The following C2orf80 variants were observed in gnomAD, a reference collection of about 807,000 sequenced individuals.
C2orf80 encodes chromosome 2 open reading frame 80.
C2orf80 carries 28 observed loss-of-function variants against 30.2 expected under a neutral mutation model. The ratio of observed to expected loss-of-function variants is 0.93; its 90% confidence interval spans 0.69 to 1.27. C2orf80 has a LOEUF of 1.27. Among genes scored for constraint, C2orf80 ranks in the 50% most tolerant of loss-of-function variants. The probability of loss-of-function intolerance (pLI) is 0.00; values close to 1 mark genes in which losing one functional copy is unlikely to be tolerated. For synonymous variants in C2orf80, 80 were observed against 76.4 expected (o/e 1.05, Z -0.24); for missense variants, 220 against 231.0 (o/e 0.95, Z 0.31).
chr2:208,179,681 C>T (rs1696486982), intron 6 of C2orf80, among the ~76,000 whole-genome samples: 1 of 146,276 alleles, frequency 6.8e-6, no homozygotes, highest in South Asian at 2.2e-4. Flanking sequence ...TGGAAGTGGT[C>T]TTAAAAATTA....
In C2orf80 at chr2:208,189,972, G is replaced by C; in HGVS notation, c.-95C>G. ...GCTCACCAACCGGAGACCGGTTCCA[G>C]TGCTTTTGTTCTTTCTCTGCTTCTG... On this transcript the variant is annotated 5_prime_UTR_variant, in exon 1 of 9. Coordinates refer to ENST00000341287, the MANE Select transcript of C2orf80 (RefSeq NM_001099334.3). The C allele has an allele frequency of 1.4e-6, 1 of 702,980 alleles. No homozygotes were observed. The allele number at this position is 702,980 out of a possible 1,614,324, so 43.5% of individuals were successfully genotyped here.
intron 4 of C2orf80, 30 bp downstream of exon 4, chr2:208,182,935 G>T (rs754681968): frequency 9.4e-5 from 145 of 1,541,986 alleles, no homozygotes; most frequent in Non-Finnish European, 1.2e-4. Context: ...ACAAATTAAA[G>T]AGGAAAGCAA....
chr2:208,171,064 C>T lies in C2orf80; in HGVS notation c.455-1G>A, dbSNP rs201078706. Reference sequence around the variant, plus strand: ...GTTGTTACCTTTCTTGACTTGACACCTACAGACAGATGCAGTAACCATATC... The same window carrying T: ...GTTGTTACCTTTCTTGACTTGACACTTACAGACAGATGCAGTAACCATATC... On this transcript the variant is annotated splice_acceptor_variant, in intron 7 of 8. Coordinates refer to ENST00000341287, the MANE Select transcript of C2orf80 (RefSeq NM_001099334.3). LOFTEE classifies it high-confidence loss of function. The T allele has an allele frequency of 6.2e-7, 1 of 1,606,780 alleles. No individual in the cohort carries two copies. The highest frequency in any genetic ancestry group is 2.2e-5 in the East Asian group (1 of 44,848).
intron 6 of C2orf80, among the ~76,000 whole-genome samples, chr2:208,180,359 G>A (rs942167108): frequency 6.6e-6 from 1 of 151,730 alleles, no homozygotes; most frequent in East Asian, 1.9e-4. Flanking sequence ...GCTGACGCAC[G>A]AGAATTCCTT....
intron 4 of C2orf80, among the ~76,000 whole-genome samples, chr2:208,182,484 C>A (rs1354543659): frequency 1.3e-5 from 2 of 152,228 alleles, no homozygotes; most frequent in African/African-American, 2.4e-5. Flanking sequence ...TGGCTCACTG[C>A]AACCTCTGCC....
At chr2:208,179,642 A>G (rs911437625) in intron 6 of C2orf80, among the ~76,000 whole-genome samples, 1 of 152,178 alleles carries the variant, frequency 6.6e-6, no homozygotes, top group Non-Finnish European at 1.5e-5. Flanking sequence ...ATGTTTACTT[A>G]ATGTTCATAC....
intron 6 of C2orf80, among the ~76,000 whole-genome samples, chr2:208,176,931 G>C (rs201400350): frequency 1.2e-5 from 1 of 83,672 alleles, no homozygotes; most frequent in African/African-American, 4.7e-5. Flanking sequence ...GTATACATAT[G>C]TATACATATC....
chr2:208,166,517 T>A (rs901208055), intron 8 of C2orf80, among the ~76,000 whole-genome samples: 4 of 152,234 alleles, frequency 2.6e-5, no homozygotes, highest in Non-Finnish European at 4.4e-5. Context: ...AGGATATTAT[T>A]TTGAATTTCT....
intron 8 of C2orf80, among the ~76,000 whole-genome samples, chr2:208,166,673 C>T (rs1344812551): frequency 6.6e-6 from 1 of 151,580 alleles, no homozygotes; most frequent in Non-Finnish European, 1.5e-5. Flanking sequence ...TTTTTTGAGA[C>T]GGTGTCTCAC....
intron 6 of C2orf80, among the ~76,000 whole-genome samples, chr2:208,179,694 CA>C (rs1160734202): frequency 1.7e-5 from 2 of 119,706 alleles, no homozygotes; most frequent in Admixed American, 1.0e-4. Context: ...AAAAATTATT[CA>C]GAACACCCTT....
chr2:208,185,832 GC>G (rs1162987698), intron 2 of C2orf80, among the ~76,000 whole-genome samples: 1 of 152,138 alleles, frequency 6.6e-6, no homozygotes, highest in Non-Finnish European at 1.5e-5. Context: ...CTTTAAAGTA[GC>G]CTAAATGTAT....
intron 6 of C2orf80, among the ~76,000 whole-genome samples, chr2:208,174,660 T>G (rs1255055327): frequency 1.3e-5 from 2 of 152,208 alleles, no homozygotes. Flanking sequence ...AGAAATAACT[T>G]ATCCGAAGAC....
At chr2:208,184,446 A>G (rs1282972982) in intron 3 of C2orf80, among the ~76,000 whole-genome samples, 1 of 152,106 alleles carries the variant, frequency 6.6e-6, no homozygotes, top group African/African-American at 2.4e-5. Flanking sequence ...TGGGCAGTGA[A>G]AAAACTGAGG....
At chr2:208,183,268 T>C (rs937541554) in intron 3 of C2orf80, among the ~76,000 whole-genome samples, 1 of 151,910 alleles carries the variant, frequency 6.6e-6, no homozygotes, top group Non-Finnish European at 1.5e-5. Context: ...TTTTGGGATC[T>C]TGAGACATTA....
chr2:208,184,433 A>G (rs1696655208), intron 3 of C2orf80, among the ~76,000 whole-genome samples: 1 of 152,036 alleles, frequency 6.6e-6, no homozygotes, highest in Non-Finnish European at 1.5e-5. Context: ...TAAGGATAGT[A>G]AATGGGCAGT....
At chr2:208,181,855 G>A (rs532902906) in intron 4 of C2orf80, among the ~76,000 whole-genome samples, 1 of 152,220 alleles carries the variant, frequency 6.6e-6, no homozygotes, top group African/African-American at 2.4e-5. Flanking sequence ...GCTGAAACTA[G>A]GAATGGTGTT....
intron 4 of C2orf80, 100 bp downstream of exon 4, chr2:208,182,865 C>CA: frequency 2.1e-6 from 2 of 968,438 alleles, no homozygotes; most frequent in Admixed American, 1.7e-5. Flanking sequence ...GTTTTCAAAT[C>CA]AAAGTGCCTC....
At chr2:208,179,318 G>T (rs1437064892) in intron 6 of C2orf80, among the ~76,000 whole-genome samples, 1 of 152,374 alleles carries the variant, frequency 6.6e-6, no homozygotes, top group South Asian at 2.1e-4. Context: ...GACTTCTAAG[G>T]TGGACCTGGT....
At chr2:208,185,441 G>A (rs894209557) in intron 2 of C2orf80, among the ~76,000 whole-genome samples, 1 of 152,162 alleles carries the variant, frequency 6.6e-6, no homozygotes, top group Admixed American at 6.5e-5. Context: ...AATTCTGTAG[G>A]TAAGTATTCT....
Sources: gnomAD v4.1 joint callset for allele counts (sites outside exome capture counted in the v4.1 genomes callset) on GRCh38, gnomAD v4.1.1 for gene constraint, MANE v1.5 for transcripts, NCBI Gene and HGNC (gene_info 2026-07-23, HGNC 2026-07-21) for gene names.